The following TRAM1 variants were observed in gnomAD, a reference collection of about 807,000 sequenced individuals.
TRAM1 encodes translocating chain-associated membrane protein 1.
Under a neutral mutation model 48.7 loss-of-function variants are expected in TRAM1, and 17 were observed. That is an observed-to-expected ratio of 0.35 (90% CI 0.24 to 0.52). TRAM1 has a LOEUF of 0.52. TRAM1 is among the 20% of genes least tolerant of loss of function. The pLI is 0.94. For missense variants in TRAM1, 351 were observed against 441.5 expected (o/e 0.79, Z 1.84); for synonymous variants, 182 against 154.0 (o/e 1.18, Z -1.34).
At position 70,607,165 on chromosome 8, in the gene TRAM1, A is replaced by G. The variant is rs181755079; in HGVS notation, c.123+912T>C. 246 of 985,366 alleles carry G rather than the reference A, an allele frequency of 2.5e-4. 1 individual carries two copies. In the African/African-American group the frequency reaches 4.0e-3, roughly 16 times the overall value. The allele number at this position is 985,366 out of a possible 1,614,324, so 61.0% of individuals were successfully genotyped here. A position where few individuals can be genotyped will look rare whatever the true frequency, so the allele number is the denominator to read the frequency against. ...AGCGTGTGTATTGGGGAGCGAGGGGAAAAACGTAGGATGTTACTCGTTCAC... is the reference window on the plus strand; with the variant it reads ...AGCGTGTGTATTGGGGAGCGAGGGGGAAAACGTAGGATGTTACTCGTTCAC... On this transcript the variant is annotated intron_variant, in intron 1 of 10. Coordinates refer to ENST00000262213, the MANE Select transcript of TRAM1 (RefSeq NM_014294.6).
intron 5 of TRAM1, among the ~76,000 whole-genome samples, chr8:70,596,032 G>T (rs557721486): frequency 6.6e-6 from 1 of 152,110 alleles, no homozygotes; most frequent in Non-Finnish European, 1.5e-5. Flanking sequence ...ATTAAGTTAT[G>T]TTAAAATCAG....
chr8:70,597,486 A>G (rs1266176367), intron 4 of TRAM1, among the ~76,000 whole-genome samples: 1 of 151,984 alleles, frequency 6.6e-6, no homozygotes, highest in Non-Finnish European at 1.5e-5. Flanking sequence ...CCTGGCCAAC[A>G]TGGTGAAACC....
rs779861610 is a variant in TRAM1 at position 70,574,963 on chromosome 8, G to A, written c.1094C>T (p.Ser365Phe). Residue 365 changes from serine to phenylalanine, a missense_variant, in exon 11 of 11, where the codon TCT (serine) becomes TTT (phenylalanine). Ser to Phe is a radical substitution (Grantham distance 155, BLOSUM62 -2). Coordinates refer to ENST00000262213, the MANE Select transcript of TRAM1 (RefSeq NM_014294.6). ...AGATTTCTCTTTTTTATTCCGGGGA[G>A]AGTCTGCTACATTTGAAGTTAATGT... is the stretch of plus-strand genomic sequence containing the variant. ...NGTLTSNVAD[S>F]PRNKKEKSS 1.2e-6 allele frequency: 2 copies of A among 1,610,622 alleles called. No individual in the cohort carries two copies. Among genetic ancestry groups the A allele is most frequent in the Non-Finnish European group, 8.5e-7 (1 of 1,178,418 alleles).
At chr8:70,602,949 G>A (rs1817633932) in intron 1 of TRAM1, among the ~76,000 whole-genome samples, 1 of 152,178 alleles carries the variant, frequency 6.6e-6, no homozygotes, top group Non-Finnish European at 1.5e-5. Context: ...AACGTAGGTT[G>A]TAGCTGAACT....
At chr8:70,599,321 GTATAC>G (rs538093527) in intron 2 of TRAM1, among the ~76,000 whole-genome samples, 9 of 152,052 alleles carry the variant, frequency 5.9e-5, no homozygotes, top group Non-Finnish European at 1.2e-4. Context: ...ACTAAATGTG[GTATAC>G]TATATTATCT....
intron 4 of TRAM1, 80 bp from the exon 5 acceptor site, chr8:70,596,401 A>G (rs980488025): frequency 9.3e-7 from 1 of 1,076,772 alleles, no homozygotes; most frequent in African/African-American, 1.6e-5. Flanking sequence ...TCATTTCTCA[A>G]ACATTTACAG....
Position 70,583,687 on chromosome 8 carries a change from C to T in TRAM1, c.853G>A (p.Asp285Asn), listed in dbSNP as rs1817135342. ...GLARAENQKL[D>N]FSTGNFNVLA... ...ACATTGAAGTTTCCAGTACTGAAAT[C>T]CAGCTTCTGATTTTCTGCTCTTGCA... is the stretch of plus-strand genomic sequence containing the variant. The change falls in exon 9 of 11, where the codon GAT (aspartate) becomes AAT (asparagine). Residue 285 changes from aspartate (D) to asparagine (N), a missense_variant. Transcript: ENST00000262213. 6.2e-7 allele frequency: 1 copy of T among 1,612,842 alleles called. No individual in the cohort carries two copies. Among genetic ancestry groups the T allele is most frequent in the Non-Finnish European group, 8.5e-7 (1 of 1,179,624 alleles).
intron 6 of TRAM1, among the ~76,000 whole-genome samples, chr8:70,592,793 T>C (rs747953705): frequency 5.3e-5 from 8 of 152,240 alleles, no homozygotes; most frequent in Non-Finnish European, 1.0e-4. Context: ...CGCTGTCCAA[T>C]AGAACTTTCT....
intron 6 of TRAM1, among the ~76,000 whole-genome samples, chr8:70,591,523 T>G (rs1252449286): frequency 6.6e-6 from 1 of 152,134 alleles, no homozygotes. Flanking sequence ...CATAACAAAT[T>G]ATAAAATCGT....
At chr8:70,587,676 A>G (rs542037225) in intron 6 of TRAM1, 2 of 152,886 alleles carry the variant, frequency 1.3e-5, no homozygotes, top group East Asian at 3.8e-4. Flanking sequence ...ATAGTAGTAG[A>G]GACACTTCTG....
intron 4 of TRAM1, among the ~76,000 whole-genome samples, chr8:70,596,858 T>G (rs945978366): frequency 2.6e-5 from 4 of 151,390 alleles, no homozygotes; most frequent in African/African-American, 9.7e-5. Context: ...AAATAAAATC[T>G]AAAGTGATTT....
intron 10 of TRAM1, among the ~76,000 whole-genome samples, chr8:70,579,161 C>T (rs268560): frequency 0.73 from 110,592 of 152,078 alleles, 41,885 homozygotes; most frequent in Non-Finnish European, 0.84. Flanking sequence ...ATGAACATCA[C>T]AGAATGTACT....
chr8:70,586,626 C>A (rs1817227083), intron 8 of TRAM1, among the ~76,000 whole-genome samples: 1 of 151,994 alleles, frequency 6.6e-6, no homozygotes, highest in Non-Finnish European at 1.5e-5. Context: ...AAAAACCATG[C>A]AACAAACAAA....
chr8:70,584,017 A>T (rs1464986837), intron 8 of TRAM1, among the ~76,000 whole-genome samples: 2 of 152,116 alleles, frequency 1.3e-5, no homozygotes, highest in Non-Finnish European at 2.9e-5. Context: ...CCATCTCAAA[A>T]AAATAAATAA....
chr8:70,600,761 A>G (rs958463239), intron 1 of TRAM1, among the ~76,000 whole-genome samples: 6 of 152,174 alleles, frequency 3.9e-5, no homozygotes, highest in Non-Finnish European at 4.4e-5. Flanking sequence ...AATAGCTTGC[A>G]CTGTGGGTAC....
At chr8:70,586,776 A>T (rs78943561) in intron 8 of TRAM1, 119 bp downstream of exon 8, 72,192 of 788,216 alleles carry the variant, frequency 0.092, 3,998 homozygotes, top group African/African-American at 0.19. Flanking sequence ...CGTTTTATTT[A>T]AAGCGGCTAC....
chr8:70,580,677 A>G (rs1277331363), intron 10 of TRAM1, among the ~76,000 whole-genome samples: 1 of 152,026 alleles, frequency 6.6e-6, no homozygotes, highest in African/African-American at 2.4e-5. Flanking sequence ...TTTCTATTCA[A>G]CACCTGTTGT....
intron 8 of TRAM1, among the ~76,000 whole-genome samples, chr8:70,586,157 G>A (rs1306985468): frequency 6.6e-6 from 1 of 151,242 alleles, no homozygotes; most frequent in Non-Finnish European, 1.5e-5. Flanking sequence ...ATCATTCTCA[G>A]CAAACTATCG....
rs539805950 is a variant in TRAM1 at position 70,581,187 on chromosome 8, T to G, written c.1051+1977A>C. Among the ~76,000 whole-genome samples the G allele has an allele frequency of 6.6e-5, 10 of 152,238 alleles. No individual in the cohort carries two copies. In the East Asian group the frequency reaches 1.7e-3, roughly 27 times the overall value. The stretch of plus-strand genomic sequence containing the variant: ...AATCCCTTGAGCCTACAAGTTCAAG[T>G]CTAGCCTGGGCAACATAGCAAGATC... On this transcript the variant is annotated intron_variant, in intron 10 of 10. Coordinates refer to ENST00000262213, the MANE Select transcript of TRAM1 (RefSeq NM_014294.6).
Sources: allele counts gnomAD v4.1 joint callset (sites outside exome capture counted in the v4.1 genomes callset), GRCh38; gene constraint gnomAD v4.1.1; transcripts MANE v1.5; gene names NCBI Gene and HGNC (gene_info 2026-07-23, HGNC 2026-07-21).